The following C1orf159 variants were observed in gnomAD, a reference collection of about 807,000 sequenced individuals.
C1orf159 encodes the protein chromosome 1 open reading frame 159.
A neutral mutation model predicts 25.6 loss-of-function variants in C1orf159; 19 were observed. The ratio of observed to expected loss-of-function variants is 0.74; its 90% CI spans 0.52 to 1.09. The LOEUF (loss-of-function observed/expected upper bound fraction) is 1.09, where lower values mean the gene tolerates loss of function less well. C1orf159 is among the 50% of genes least tolerant of loss of function. The pLI, the probability that C1orf159 is intolerant of heterozygous loss-of-function variation, is 0.00. For missense variants in C1orf159, 274 were observed against 290.6 expected, an observed-to-expected ratio of 0.94 and a Z score of 0.42; for synonymous variants, 139 against 124.7, an observed-to-expected ratio of 1.12 and a Z score of -0.77.
At position 1,091,558 on chromosome 1, in the gene C1orf159, C is replaced by A; in HGVS notation, c.-15G>T. On this transcript the variant is annotated 5_prime_UTR_variant, in exon 3 of 10. Coordinates refer to ENST00000421241, the MANE Select transcript of C1orf159 (RefSeq NM_017891.5). ...CGCAGCGCCATGCCAGGAGCAGATG[C>A]GCAGAGCCTGCCACAGGGAGGAGCA... 6.5e-7 allele frequency: 1 copy of A among 1,547,686 alleles called. No individual in the cohort carries two copies. The highest frequency in any genetic ancestry group is 8.7e-7 in the Non-Finnish European group (1 of 1,146,292).
chr1:1,084,032 G>C (rs995233714), intron 9 of C1orf159: 2 of 1,607,502 alleles, frequency 1.2e-6, no homozygotes, highest in Admixed American at 3.4e-5. Flanking sequence ...AGGAGGAGCA[G>C]GTATTGGGGG....
intron 6 of C1orf159, among the ~76,000 whole-genome samples, chr1:1,086,606 C>A (rs1645834058): frequency 6.6e-6 from 1 of 152,242 alleles, no homozygotes; most frequent in African/African-American, 2.4e-5. Context: ...CTCGCTCCTT[C>A]CTGCCCCAGC....
intron 7 of C1orf159, among the ~76,000 whole-genome samples, chr1:1,084,793 A>C (rs1012350884): frequency 2.6e-5 from 4 of 152,100 alleles, no homozygotes; most frequent in Non-Finnish European, 5.9e-5. Context: ...TTCCCGCCTC[A>C]GCAGAGGGGA....
In C1orf159 at chr1:1,082,167, C is replaced by G. The variant is rs1197193404; in HGVS notation, c.*726G>C. 1 of 152,744 alleles carries G rather than the reference C, an allele frequency of 6.5e-6. No individual in the cohort carries two copies. The highest frequency in any genetic ancestry group is 2.4e-5 in the African/African-American group (1 of 41,466). The allele number at this position is 152,744 out of a possible 1,614,324, so 9.5% of individuals were successfully genotyped here. On this transcript the variant is annotated 3_prime_UTR_variant, in exon 10 of 10. Transcript: ENST00000421241. ...GGGGGTTAGATGTGGGCCTGCCCCA[C>G]GTGGGCAGGGATCAGCCAGGCATGG...
In C1orf159 at chr1:1,087,572, G is replaced by A. The variant is rs892371017; in HGVS notation, c.174C>T (p.Asp58=). The change falls in exon 5 of 10, where the codon GAC becomes GAT. Residue 58 remains aspartate (D), a synonymous_variant. Transcript: ENST00000421241. The surrounding 1 kb of genome is among the most constrained non-coding windows in gnomAD (Gnocchi z 8.3). ...CACAGCGGACGCAGCTGGCGCTCCCGTCCGCGTTCCAGCGCCTGTAACAGC... is the reference window on the plus strand; with the variant it reads ...CACAGCGGACGCAGCTGGCGCTCCCATCCGCGTTCCAGCGCCTGTAACAGC... ...GPGCYRRWNA[D]GSASCVRCGN... is the part of the protein sequence containing the mutation. The A allele has an allele frequency of 3.1e-5, 48 of 1,548,244 alleles. No homozygotes were observed. The highest frequency in any genetic ancestry group is 2.3e-4 in the African/African-American group (17 of 72,998).
At chr1:1,106,662 C>T (rs1192694364) in intron 1 of C1orf159, 3 of 152,488 alleles carry the variant, frequency 2.0e-5, no homozygotes, top group African/African-American at 7.2e-5. Flanking sequence ...TCAGCACCTC[C>T]TGGGCCTCAG....
At chr1:1,106,273 G>A (rs904495597) in intron 1 of C1orf159, 28 of 152,116 alleles carry the variant, frequency 1.8e-4, no homozygotes, top group Admixed American at 1.6e-3. Flanking sequence ...AAAAACTATC[G>A]ATTAATGTCA....
At chr1:1,100,622 TTTA>T (rs1646087666) in intron 1 of C1orf159, among the ~76,000 whole-genome samples, 1 of 152,182 alleles carries the variant, frequency 6.6e-6, no homozygotes, top group South Asian at 2.1e-4. Flanking sequence ...GTTTTTACCG[TTTA>T]TTATTTGTTT....
intron 1 of C1orf159, 113 bp from the exon 2 acceptor site, chr1:1,092,216 C>T (rs895079864): frequency 2.2e-5 from 6 of 272,510 alleles, no homozygotes; most frequent in Admixed American, 1.0e-4. Context: ...ACACCCTTGC[C>T]GGCCCCTGGC....
At chr1:1,109,789 T>C (rs1002628020) in intron 1 of C1orf159, among the ~76,000 whole-genome samples, 14 of 152,194 alleles carry the variant, frequency 9.2e-5, no homozygotes, top group African/African-American at 3.4e-4. Flanking sequence ...AGGTGAGATT[T>C]CACATTTACA....
At chr1:1,114,018 G>C (rs1646299917) in intron 1 of C1orf159, among the ~76,000 whole-genome samples, 1 of 148,840 alleles carries the variant, frequency 6.7e-6, no homozygotes, top group Non-Finnish European at 1.5e-5. Context: ...CCGAGTTCAA[G>C]CGATTCTCCT....
At chr1:1,096,175 A>G (rs1476288464) in intron 1 of C1orf159, among the ~76,000 whole-genome samples, 1 of 152,192 alleles carries the variant, frequency 6.6e-6, no homozygotes, top group East Asian at 1.9e-4. Flanking sequence ...ATTGCCTCAT[A>G]AAACAAGCTG....
intron 1 of C1orf159, chr1:1,106,020 G>A (rs1467130044): frequency 1.3e-5 from 2 of 152,192 alleles, no homozygotes; most frequent in African/African-American, 2.4e-5. Flanking sequence ...CTGAGGTTCT[G>A]TGAAGTACAT....
At chr1:1,086,117 G>T (rs1365390622) in intron 6 of C1orf159, 105 bp from the exon 7 acceptor site, 3 of 1,392,378 alleles carry the variant, frequency 2.2e-6, no homozygotes, top group Non-Finnish European at 2.9e-6. Flanking sequence ...CTCTGAACAT[G>T]CCTGAGCCTC....
chr1:1,083,763 TC>T, intron 9 of C1orf159: 1 of 701,178 alleles, frequency 1.4e-6, no homozygotes. Flanking sequence ...GAACGGTCTG[TC>T]CCCTAAAGGC....
chr1:1,110,389 G>A lies in C1orf159; in HGVS notation c.-136+5671C>T, dbSNP rs1646240943. Among the ~76,000 whole-genome samples the A allele has an allele frequency of 6.6e-6, 1 of 152,120 alleles. No homozygotes were observed. The highest frequency in any genetic ancestry group is 2.4e-5 in the African/African-American group (1 of 41,402). On this transcript the variant is annotated intron_variant, in intron 1 of 9. Coordinates refer to ENST00000421241, the MANE Select transcript of C1orf159 (RefSeq NM_017891.5). The surrounding 1 kb of genome is among the most constrained non-coding windows in gnomAD (Gnocchi z 4.8). ...AAAATTAATAGGCAAATCAAAGAAT[G>A]GGAGATAGTCACAGTACACGTACCA... is the stretch of plus-strand genomic sequence containing the variant.
Position 1,085,873 on chromosome 1 carries a change from G to T in C1orf159, c.445+5C>A. The T allele has an allele frequency of 6.2e-7, 1 of 1,613,024 alleles. No homozygotes were observed. Among genetic ancestry groups the T allele is most frequent in the Non-Finnish European group, 8.5e-7 (1 of 1,179,744 alleles). The stretch of plus-strand genomic sequence containing the variant: ...CCGTGGGGCAGGTGCTGGTCCGGGA[G>T]ATACCTTTGTTTCTTCTGTAGCAGG... On this transcript the variant is annotated splice_donor_5th_base_variant and intron_variant, in intron 7 of 9. Transcript: ENST00000421241.
chr1:1,088,850 C>T (rs1645879580), intron 4 of C1orf159, among the ~76,000 whole-genome samples: 1 of 152,168 alleles, frequency 6.6e-6, no homozygotes, highest in Admixed American at 6.5e-5. Flanking sequence ...ACAGGGGTCA[C>T]TCTGCAGACA....
chr1:1,102,023 A>G (rs568981293), intron 1 of C1orf159, among the ~76,000 whole-genome samples: 3 of 145,120 alleles, frequency 2.1e-5, no homozygotes, highest in Non-Finnish European at 4.5e-5. Flanking sequence ...GTGAGCCGAG[A>G]TCGCACCACT....
Sources: allele counts gnomAD v4.1 joint callset (sites outside exome capture counted in the v4.1 genomes callset), GRCh38; gene constraint gnomAD v4.1.1; non-coding constraint Gnocchi (gnomAD v3.1); transcripts MANE v1.5; gene names NCBI Gene and HGNC (gene_info 2026-07-23, HGNC 2026-07-21).